NAPSA: variants seen among roughly 807,000 people sequenced by gnomAD.
NAPSA encodes napsin-A.
NAPSA carries 37 observed loss-of-function variants against 36.7 expected under a neutral mutation model. The ratio of observed to expected loss-of-function variants is 1.01; its 90% CI spans 0.78 to 1.33. The LOEUF (loss-of-function observed/expected upper bound fraction) is 1.33, where lower values mean the gene tolerates loss of function less well. Among genes scored for constraint, NAPSA ranks in the 40% most tolerant of loss-of-function variants. The probability of loss-of-function intolerance (pLI) is 0.00; values close to 1 mark genes in which losing one functional copy is unlikely to be tolerated. For synonymous variants in NAPSA, 222 were observed against 234.5 expected (o/e 0.95, Z 0.49); for missense variants, 532 against 543.8 (o/e 0.98, Z 0.21).
chr19:50,365,669 T>G, upstream of NAPSA: 1 of 1,522,544 alleles, frequency 6.6e-7, no homozygotes, highest in South Asian at 1.2e-5. Context: ...CCTCATTTTC[T>G]TTCCCCTGTG....
intron 3 of NAPSA, 87 bp from the exon 4 acceptor site, chr19:50,361,868 G>A (rs1357277420): frequency 1.2e-6 from 2 of 1,602,806 alleles, no homozygotes; most frequent in Admixed American, 1.7e-5. Context: ...GTGAGGGCAT[G>A]ATAAAAGAAC....
At chr19:50,367,548 CCCTCTCT>C (rs1568589258), upstream of NAPSA, among the ~76,000 whole-genome samples, 74 of 143,118 alleles carry the variant, frequency 5.2e-4, no homozygotes, top group Non-Finnish European at 2.6e-4. Flanking sequence ...CTCTCTCTCT[CCCTCTCT>C]CTCTCTCTCT....
intron 8 of NAPSA, 54 bp downstream of exon 8, chr19:50,358,957 C>G: frequency 6.7e-7 from 1 of 1,500,566 alleles, no homozygotes; most frequent in Non-Finnish European, 9.2e-7. Flanking sequence ...CTCAGCTCTA[C>G]CCTCTCAAAC....
rs562029819 is a variant in NAPSA, at chr19:50,358,606, G to C, written c.1210C>G (p.Arg404Gly). ...ARVGLARART[R>G]GADLGWGETA... ...TCTCCCCATCCGAGGTCCGCTCCGC[G>C]AGTGCGAGCGCGCGCCAGGCCCACC... Residue 404 changes from arginine to glycine, a missense_variant, in exon 9 of 9, where the codon CGC becomes GGC. Physicochemically the swap from Arg to Gly is moderately radical, Grantham distance 125. Coordinates refer to ENST00000253719, the MANE Select transcript of NAPSA (RefSeq NM_004851.3). 95 of 1,612,032 alleles carry C rather than the reference G, an allele frequency of 5.9e-5. 3 individuals carry two copies. In the South Asian group the frequency reaches 8.8e-4, roughly 15 times the overall value.
chr19:50,364,807 C>CAG (rs544361306), intron 1 of NAPSA, among the ~76,000 whole-genome samples: 120 of 148,912 alleles, frequency 8.1e-4, no homozygotes, highest in African/African-American at 2.8e-3. Context: ...GCCTGGCAAA[C>CAG]ATGGCGAAAC....
upstream of NAPSA, chr19:50,365,758 G>A (rs925706163): frequency 3.0e-6 from 2 of 663,844 alleles, no homozygotes; most frequent in African/African-American, 1.8e-5. Flanking sequence ...GACGCAGTGG[G>A]ACAAGGATGT....
rs1000184052 is a variant in NAPSA, at chr19:50,360,406, T to C, written c.668+535A>G. On this transcript the variant is annotated intron_variant, in intron 5 of 8. Coordinates refer to ENST00000253719, the MANE Select transcript of NAPSA (RefSeq NM_004851.3). The stretch of plus-strand genomic sequence containing the variant: ...TCAGGGTAACTGAGTGGGCATAGGA[T>C]TTTCTGACTGTGTGTGACAGGCCTC... Among the ~76,000 whole-genome samples, 3 of 152,090 alleles carry C rather than the reference T, an allele frequency of 2.0e-5. No homozygotes were observed. In the South Asian group the frequency reaches 6.2e-4, roughly 32 times the overall value.
upstream of NAPSA, among the ~76,000 whole-genome samples, chr19:50,366,825 C>T (rs1013160231): frequency 8.0e-6 from 1 of 125,500 alleles, no homozygotes; most frequent in Non-Finnish European, 1.6e-5. Context: ...CCGATACCAC[C>T]CTGGCTAAAT....
At chr19:50,368,620 C>T (rs1198744270), upstream of NAPSA, among the ~76,000 whole-genome samples, 1 of 152,182 alleles carries the variant, frequency 6.6e-6, no homozygotes. Flanking sequence ...TTTTCTCAGT[C>T]AGAGCACTCG....
Position 50,358,634 on chromosome 19 carries a change from G to GGCGAGTGCGA in NAPSA, c.1181_1182insTCGCACTCGC (p.Val396ThrfsTer33). 6.2e-7 allele frequency: 1 copy of GGCGAGTGCGA among 1,612,878 alleles called. No individual in the cohort carries two copies. On this transcript the variant is annotated frameshift_variant, in exon 9 of 9. Coordinates refer to ENST00000253719, the MANE Select transcript of NAPSA (RefSeq NM_004851.3). LOFTEE classifies it low-confidence loss of function (END_TRUNC). Reference sequence around the variant, plus strand: ...TGCGAGCGCGCGCCAGGCCCACCCGGGCGCTGCTCTTCATGTCCCCGCGGT... The same window carrying GGCGAGTGCGA: ...TGCGAGCGCGCGCCAGGCCCACCCGGGCGAGTGCGAGCGCTGCTCTTCATGTCCCCGCGGT...
rs1469480263 is a variant in NAPSA at position 50,359,877 on chromosome 19, T to G, written c.669-15A>C. The stretch of plus-strand genomic sequence containing the variant: ...CTTCAGGGTCCCTGCAGGGGCAGAG[T>G]GTAGAGAGTGTAGATGTCAGTGTCA... On this transcript the variant is annotated splice_polypyrimidine_tract_variant and intron_variant, in intron 5 of 8. Coordinates refer to ENST00000253719, the MANE Select transcript of NAPSA (RefSeq NM_004851.3). 1 of 1,611,226 alleles carries G rather than the reference T, an allele frequency of 6.2e-7. No individual in the cohort carries two copies. The highest frequency in any genetic ancestry group is 1.7e-5 in the Admixed American group (1 of 59,810).
chr19:50,358,559 G>A lies in NAPSA; in HGVS notation c.1257C>T (p.Pro419=), dbSNP rs975908497. ...GWGETAQAQF[P]G Reference sequence around the variant, plus strand: ...CATGCGCTTCACTTGGGCGTCACCCGGGGAACTGCGCCTGCGCAGTCTCTC... The same window carrying A: ...CATGCGCTTCACTTGGGCGTCACCCAGGGAACTGCGCCTGCGCAGTCTCTC... Residue 419 remains proline, a synonymous_variant, in exon 9 of 9, where the codon CCC becomes CCT. Coordinates refer to ENST00000253719, the MANE Select transcript of NAPSA (RefSeq NM_004851.3). 2 of 1,593,234 alleles carry A rather than the reference G, an allele frequency of 1.3e-6. No homozygotes were observed. Among genetic ancestry groups the A allele is most frequent in the Non-Finnish European group, 1.7e-6 (2 of 1,170,174 alleles).
chr19:50,368,051 G>A (rs1200128047), upstream of NAPSA, among the ~76,000 whole-genome samples: 10 of 151,490 alleles, frequency 6.6e-5, no homozygotes, highest in South Asian at 8.3e-4. Flanking sequence ...CCAGCTACTC[G>A]GAAGGCCGAG....
At chr19:50,369,227 G>A (rs1021431615), upstream of NAPSA, 1 of 152,232 alleles carries the variant, frequency 6.6e-6, no homozygotes, top group African/African-American at 2.4e-5. Flanking sequence ...CTGCGGTGCA[G>A]CAAGATTAAG....
chr19:50,358,903 G>A, intron 8 of NAPSA, 108 bp downstream of exon 8: 1 of 1,337,956 alleles, frequency 7.5e-7, no homozygotes, highest in Non-Finnish European at 1.0e-6. Flanking sequence ...CCATCACAGG[G>A]AAAAGAAATG....
chr19:50,362,003 C>T lies in NAPSA; in HGVS notation c.315G>A (p.Pro105=), dbSNP rs367651287. 31 of 1,604,148 alleles carry T rather than the reference C, an allele frequency of 1.9e-5. No individual in the cohort carries two copies. The highest frequency in any genetic ancestry group is 1.3e-4 in the South Asian group (12 of 89,870). ...CACTGAAGAAGTGGCATCTCCTGGACGGGACCCAGAGATTGGAGGAGCCAG... is the reference window on the plus strand; with the variant it reads ...CACTGAAGAAGTGGCATCTCCTGGATGGGACCCAGAGATTGGAGGAGCCAG... The part of the protein sequence containing the change: ...FDTGSSNLWV[P]SRRCHFFSVP... The change falls in exon 3 of 9, where the codon CCG becomes CCA. Residue 105 remains proline (P), a synonymous_variant. Coordinates refer to ENST00000253719, the MANE Select transcript of NAPSA (RefSeq NM_004851.3).
At chr19:50,359,403 AG>A (rs2123605765) in intron 7 of NAPSA, 99 bp downstream of exon 7, 1 of 1,491,342 alleles carries the variant, frequency 6.7e-7, no homozygotes, top group East Asian at 2.3e-5. Flanking sequence ...TGCCCTGGAA[AG>A]CCCCTTAAAT....
rs1323636875 is a variant in NAPSA at position 50,362,218 on chromosome 19, G to T, written c.179C>A (p.Ser60Tyr). 1 of 1,613,978 alleles carries T rather than the reference G, an allele frequency of 6.2e-7. No individual in the cohort carries two copies. Among genetic ancestry groups the T allele is most frequent in the Non-Finnish European group, 8.5e-7 (1 of 1,180,000 alleles). ...TACGAAGATGGGCTTGTCCCCAGGGGATGGGGCCCCCAACTTGGGGAGCTC... is the reference window on the plus strand; with the variant it reads ...TACGAAGATGGGCTTGTCCCCAGGGTATGGGGCCCCCAACTTGGGGAGCTC... ...PAELPKLGAPSPGDKPIFVPL... is the reference protein window; with the variant it reads ...PAELPKLGAPYPGDKPIFVPL... The change falls in exon 2 of 9, where the codon TCC becomes TAC. Residue 60 changes from serine to tyrosine, a missense_variant. By Grantham distance (144) the Ser-to-Tyr change is moderately radical. Coordinates refer to ENST00000253719, the MANE Select transcript of NAPSA (RefSeq NM_004851.3).
intron 5 of NAPSA, 113 bp from the exon 6 acceptor site, chr19:50,359,975 A>G (rs1189163379): frequency 2.4e-5 from 34 of 1,415,948 alleles, no homozygotes; most frequent in Non-Finnish European, 3.0e-5. Context: ...TGGAGTTCCT[A>G]CGGGGTAATG....
Sources: allele counts gnomAD v4.1 joint callset (sites outside exome capture counted in the v4.1 genomes callset), GRCh38; gene constraint gnomAD v4.1.1; transcripts MANE v1.5; gene names NCBI Gene and HGNC (gene_info 2026-07-23, HGNC 2026-07-21).